The following DCPS variants were observed in gnomAD, a reference collection of about 807,000 sequenced individuals.
DCPS encodes the protein decapping enzyme, scavenger, also known as m7GpppX diphosphatase.
A neutral mutation model predicts 34.7 loss-of-function variants in DCPS; 27 were observed. The observed-to-expected ratio is 0.78, with a 90% confidence interval of 0.57 to 1.07. The LOEUF (loss-of-function observed/expected upper bound fraction) is 1.07. DCPS is among the 50% of genes least tolerant of loss of function. DCPS has a pLI of 0.00. For missense variants in DCPS, 464 were observed against 436.9 expected, an observed-to-expected ratio of 1.06 and a Z score of -0.55; for synonymous variants, 185 against 185.7, an observed-to-expected ratio of 1.00 and a Z score of 0.03.
At chr11:126,330,616 G>A (rs1382769244) in intron 2 of DCPS, among the ~76,000 whole-genome samples, 1 of 145,990 alleles carries the variant, frequency 6.8e-6, no homozygotes, top group Non-Finnish European at 1.5e-5. Context: ...CAGTCTGGCT[G>A]CAGAGTCTGT....
rs1004041232 is a variant in DCPS at position 126,315,034 on chromosome 11, T to C, written c.376+8290T>C. Among the ~76,000 whole-genome samples the C allele has an allele frequency of 7.9e-5, 12 of 152,066 alleles. No homozygotes were observed. Among genetic ancestry groups the C allele is most frequent in the Non-Finnish European group, 1.5e-4 (10 of 68,026 alleles). ...TCTACCGTAAAGACACATGCACACA[T>C]ATGTTCATTGTAGAGCTATTCATGA... On this transcript the variant is annotated intron_variant, in intron 2 of 5. Coordinates refer to ENST00000263579, the MANE Select transcript of DCPS (RefSeq NM_014026.6). This position sits in a 1 kb window ranked among gnomAD's most constrained non-coding sequence, Gnocchi z 6.1.
intron 2 of DCPS, among the ~76,000 whole-genome samples, chr11:126,318,735 C>A (rs895682021): frequency 6.6e-5 from 10 of 152,154 alleles, no homozygotes; most frequent in African/African-American, 2.4e-4. Flanking sequence ...CTCCTCTGAG[C>A]AAAGGGGAAG....
In DCPS at chr11:126,304,086, G is replaced by A. The variant is rs758435874; in HGVS notation, c.6G>A (p.Ala2=). M[A]DAAPQLGKRK... ...CACACCGCCTCCGCGGCAGCATGGCGGACGCAGCTCCTCAACTAGGCAAGA... is the reference window on the plus strand; with the variant it reads ...CACACCGCCTCCGCGGCAGCATGGCAGACGCAGCTCCTCAACTAGGCAAGA... Residue 2 remains alanine, a synonymous_variant, in exon 1 of 6, where the codon GCG becomes GCA. Coordinates refer to ENST00000263579, the MANE Select transcript of DCPS (RefSeq NM_014026.6). 5 of 1,599,618 alleles carry A rather than the reference G, an allele frequency of 3.1e-6. No individual in the cohort carries two copies. In the South Asian group the frequency reaches 3.3e-5, roughly 11 times the overall value.
In DCPS at chr11:126,345,665, A is replaced by C; in HGVS notation, c.*52A>C. 6.3e-7 allele frequency: 1 copy of C among 1,576,436 alleles called. No individual in the cohort carries two copies. Among genetic ancestry groups the C allele is most frequent in the Non-Finnish European group, 8.6e-7 (1 of 1,162,982 alleles). On this transcript the variant is annotated 3_prime_UTR_variant, in exon 6 of 6. Coordinates refer to ENST00000263579, the MANE Select transcript of DCPS (RefSeq NM_014026.6). This position sits in a 1 kb window ranked among gnomAD's most constrained non-coding sequence, Gnocchi z 7.4. ...GTGTGGGATTGGGGGAGGAGTGGGG[A>C]CAAGATTTTTTATCTCCAAGTGAAT... is the stretch of plus-strand genomic sequence containing the variant.
rs1565383116 is a variant in DCPS, at chr11:126,348,231, G to A, written c.*2618G>A. Among the ~76,000 whole-genome samples the A allele has an allele frequency of 6.6e-6, 1 of 152,132 alleles. No individual in the cohort carries two copies. Among genetic ancestry groups the A allele is most frequent in the South Asian group, 2.1e-4 (1 of 4,828 alleles). On this transcript the variant is annotated 3_prime_UTR_variant, in exon 6 of 6. Transcript: ENST00000263579. The surrounding 1 kb of genome is among the most constrained non-coding windows in gnomAD (Gnocchi z 5.3). ...GGACCCACACTCTGGAAGGTTTCTC[G>A]ACTCCCCCGAGGGGCTGGCCAGTTC... is the stretch of plus-strand genomic sequence containing the variant.
chr11:126,345,441 C>G lies in DCPS; in HGVS notation c.842C>G (p.Thr281Ser). The change falls in exon 6 of 6, where the codon ACC (threonine) becomes AGC (serine). Residue 281 changes from threonine to serine, a missense_variant. Physicochemically the swap from Thr to Ser is moderately conservative, Grantham distance 58. Coordinates refer to ENST00000263579, the MANE Select transcript of DCPS (RefSeq NM_014026.6). The surrounding 1 kb of genome is among the most constrained non-coding windows in gnomAD (Gnocchi z 7.4). ...TACTACCACCTGCATGTGCACTTCACCGCCCTGGGCTTCGAGGCCCCCGGC... is the reference window on the plus strand; with the variant it reads ...TACTACCACCTGCATGTGCACTTCAGCGCCCTGGGCTTCGAGGCCCCCGGC... ...PSYYHLHVHF[T>S]ALGFEAPGSG... 6.2e-7 allele frequency: 1 copy of G among 1,614,230 alleles called. No individual in the cohort carries two copies.
rs1021453355 is a variant in DCPS, at chr11:126,315,158, C to T, written c.376+8414C>T. ...TCCCTATCAGGTATTATGCTTATTA[C>T]CTGGGTGATGAAATAGTCTCTATGC... On this transcript the variant is annotated intron_variant, in intron 2 of 5. Coordinates refer to ENST00000263579, the MANE Select transcript of DCPS (RefSeq NM_014026.6). This position sits in a 1 kb window ranked among gnomAD's most constrained non-coding sequence, Gnocchi z 6.1. 1.3e-5 allele frequency among the ~76,000 whole-genome samples: 2 copies of T among 151,940 alleles called. No individual in the cohort carries two copies. Among genetic ancestry groups the T allele is most frequent in the African/African-American group, 4.8e-5 (2 of 41,296 alleles).
At chr11:126,311,697 G>A (rs3862627) in intron 2 of DCPS, among the ~76,000 whole-genome samples, 25,425 of 152,146 alleles carry the variant, frequency 0.17, 2,535 homozygotes, top group Non-Finnish European at 0.24. Context: ...GAGTGATGGG[G>A]TGGGATGGTG....
In DCPS at chr11:126,319,594, C is replaced by A. The variant is rs754664831; in HGVS notation, c.377-11811C>A. 9.9e-5 allele frequency among the ~76,000 whole-genome samples: 15 copies of A among 152,146 alleles called. No homozygotes were observed. Among genetic ancestry groups the A allele is most frequent in the Non-Finnish European group, 1.9e-4 (13 of 68,034 alleles). ...GTCATCTCTGCATGTCTGACCACAC[C>A]CCCTGTCTGGACCTCACTTGCTCTG... On this transcript the variant is annotated intron_variant, in intron 2 of 5. Coordinates refer to ENST00000263579, the MANE Select transcript of DCPS (RefSeq NM_014026.6). This position sits in a 1 kb window ranked among gnomAD's most constrained non-coding sequence, Gnocchi z 4.5.
rs1476439681 is a variant in DCPS, at chr11:126,335,391, A to G, written c.523-2895A>G. On this transcript the variant is annotated intron_variant, in intron 3 of 5. Transcript: ENST00000263579. The surrounding 1 kb of genome is among the most constrained non-coding windows in gnomAD (Gnocchi z 4.8). ...CTTGGGCATGGTTTCAGATGGTGGCACTCCCCATTACATAGCTCTCTGTGT... is the reference window on the plus strand; with the variant it reads ...CTTGGGCATGGTTTCAGATGGTGGCGCTCCCCATTACATAGCTCTCTGTGT... Among the ~76,000 whole-genome samples the G allele has an allele frequency of 6.6e-6, 1 of 152,048 alleles. No individual in the cohort carries two copies.
chr11:126,321,117 T>A (rs1312880048), intron 2 of DCPS, among the ~76,000 whole-genome samples: 1 of 151,984 alleles, frequency 6.6e-6, no homozygotes, highest in Non-Finnish European at 1.5e-5. Flanking sequence ...TAGCCAGGCA[T>A]GGTGGTGCAT....
Position 126,315,921 on chromosome 11 carries a change from C to G in DCPS, c.376+9177C>G, listed in dbSNP as rs1299973756. Among the ~76,000 whole-genome samples, 1 of 151,984 alleles carries G rather than the reference C, an allele frequency of 6.6e-6. No homozygotes were observed. Among genetic ancestry groups the G allele is most frequent in the Non-Finnish European group, 1.5e-5 (1 of 68,020 alleles). ...TAGAGACAGGGTTTCATCATGTTGG[C>G]CAGGCTATCTCAAACTCCTGACCTC... is the stretch of plus-strand genomic sequence containing the variant. On this transcript the variant is annotated intron_variant, in intron 2 of 5. Coordinates refer to ENST00000263579, the MANE Select transcript of DCPS (RefSeq NM_014026.6). The surrounding 1 kb of genome is among the most constrained non-coding windows in gnomAD (Gnocchi z 6.1).
At position 126,319,513 on chromosome 11, in the gene DCPS, C is replaced by T. The variant is rs898725085; in HGVS notation, c.377-11892C>T. Among the ~76,000 whole-genome samples the T allele has an allele frequency of 2.0e-5, 3 of 152,220 alleles. No homozygotes were observed. Among genetic ancestry groups the T allele is most frequent in the African/African-American group, 4.8e-5 (2 of 41,546 alleles). On this transcript the variant is annotated intron_variant, in intron 2 of 5. Coordinates refer to ENST00000263579, the MANE Select transcript of DCPS (RefSeq NM_014026.6). The surrounding 1 kb of genome is among the most constrained non-coding windows in gnomAD (Gnocchi z 4.5). ...TCCAGAGCTCAGGGGAGTGGACTCTCCTTCCCTGAGCTCCCCAGGAAGCAT... is the reference window on the plus strand; with the variant it reads ...TCCAGAGCTCAGGGGAGTGGACTCTTCTTCCCTGAGCTCCCCAGGAAGCAT...
Position 126,338,277 on chromosome 11 carries a change from T to A in DCPS, c.523-9T>A. 1 of 1,613,700 alleles carries A rather than the reference T, an allele frequency of 6.2e-7. No individual in the cohort carries two copies. Among genetic ancestry groups the A allele is most frequent in the Non-Finnish European group, 8.5e-7 (1 of 1,179,594 alleles). On this transcript the variant is annotated splice_polypyrimidine_tract_variant and intron_variant, in intron 3 of 5. Transcript: ENST00000263579. The surrounding 1 kb of genome is among the most constrained non-coding windows in gnomAD (Gnocchi z 5.4). ...GATTTGTGAACCATCTCTCTCCCCC[T>A]CCTTTCAGTGGGTGTATAACATTCT...
chr11:126,314,379 A>G (rs896228184), intron 2 of DCPS, among the ~76,000 whole-genome samples: 2 of 152,200 alleles, frequency 1.3e-5, no homozygotes, highest in Non-Finnish European at 2.9e-5. Context: ...GAACACTTCT[A>G]CACTGTTGGT....
intron 5 of DCPS, among the ~76,000 whole-genome samples, chr11:126,343,849 C>T (rs1339532592): frequency 6.6e-6 from 1 of 152,190 alleles, no homozygotes; most frequent in East Asian, 1.9e-4. Context: ...AATTCTGTAG[C>T]ACCTGGTGTT....
rs1951731685 is a variant in DCPS, at chr11:126,325,229, T to C, written c.377-6176T>C. ...TAAACAGTAAAAATGTAATGACTTA[T>C]TCCATACACCAAAAATTATGCTGAA... On this transcript the variant is annotated intron_variant, in intron 2 of 5. Coordinates refer to ENST00000263579, the MANE Select transcript of DCPS (RefSeq NM_014026.6). The surrounding 1 kb of genome is among the most constrained non-coding windows in gnomAD (Gnocchi z 4.3). Among the ~76,000 whole-genome samples the C allele has an allele frequency of 6.6e-6, 1 of 152,136 alleles. No individual in the cohort carries two copies. Among genetic ancestry groups the C allele is most frequent in the Non-Finnish European group, 1.5e-5 (1 of 68,030 alleles).
chr11:126,345,517 G>T lies in DCPS; in HGVS notation c.918G>T (p.Glu306Asp). ...HLLAEVIENL[E>D]CDPRHYQQRT... is the part of the protein sequence containing the mutation. ...TGGCTGAGGTGATCGAGAACTTGGAGTGTGACCCTAGGCACTACCAGCAGC... is the reference window on the plus strand; with the variant it reads ...TGGCTGAGGTGATCGAGAACTTGGATTGTGACCCTAGGCACTACCAGCAGC... The change falls in exon 6 of 6, where the codon GAG (glutamate) becomes GAT (aspartate). Residue 306 changes from glutamate to aspartate, a missense_variant. Glu to Asp is a conservative substitution (Grantham distance 45). Coordinates refer to ENST00000263579, the MANE Select transcript of DCPS (RefSeq NM_014026.6). This position sits in a 1 kb window ranked among gnomAD's most constrained non-coding sequence, Gnocchi z 7.4. 6.2e-7 allele frequency: 1 copy of T among 1,614,110 alleles called. No homozygotes were observed. The highest frequency in any genetic ancestry group is 8.5e-7 in the Non-Finnish European group (1 of 1,180,038).
rs1263989944 is a variant in DCPS at position 126,336,750 on chromosome 11, C to G, written c.523-1536C>G. On this transcript the variant is annotated intron_variant, in intron 3 of 5. Transcript: ENST00000263579. The surrounding 1 kb of genome is among the most constrained non-coding windows in gnomAD (Gnocchi z 6.3). ...TGCCTCTGTGGATGTACTGGCCATG[C>G]ATTGCTCTGGCCCCGGCACTGCATG... The G allele has an allele frequency of 1.3e-5, 2 of 152,234 alleles. No homozygotes were observed. The highest frequency in any genetic ancestry group is 2.4e-5 in the African/African-American group (1 of 41,450). 9.4% of individuals were successfully genotyped at this position (152,234 alleles called of 1,614,324 possible).
Sources: allele counts gnomAD v4.1 joint callset (sites outside exome capture counted in the v4.1 genomes callset), GRCh38; gene constraint gnomAD v4.1.1; non-coding constraint Gnocchi (gnomAD v3.1); transcripts MANE v1.5; gene names NCBI Gene and HGNC (gene_info 2026-07-23, HGNC 2026-07-21).